BBS9: variants seen among roughly 807,000 people sequenced by gnomAD.
The protein encoded by BBS9 is protein PTHB1.
BBS9 carries 89 observed loss-of-function variants against 117.7 expected under a neutral mutation model. The ratio of observed to expected loss-of-function variants is 0.76; its 90% CI spans 0.64 to 0.90. The LOEUF (loss-of-function observed/expected upper bound fraction) is 0.90. BBS9 is among the 40% of genes least tolerant of loss of function. The pLI, the probability that BBS9 is intolerant of heterozygous loss-of-function variation, is 0.00. For synonymous variants in BBS9, 379 were observed against 370.9 expected, an observed-to-expected ratio of 1.02 and a Z score of -0.25; for missense variants, 982 against 1,042.2, an observed-to-expected ratio of 0.94 and a Z score of 0.80.
At chr7:33,439,990 G>T (rs1001305218) in intron 19 of BBS9, among the ~76,000 whole-genome samples, 2 of 152,220 alleles carry the variant, frequency 1.3e-5, no homozygotes, top group African/African-American at 4.8e-5. Flanking sequence ...GTCTAGAGCA[G>T]TACACTGTAT....
intron 21 of BBS9, among the ~76,000 whole-genome samples, chr7:33,573,585 T>C (rs1858211893): frequency 6.6e-6 from 1 of 152,138 alleles, no homozygotes; most frequent in Admixed American, 6.6e-5. Flanking sequence ...GTTTTGCTAC[T>C]GCAAAAAAAT....
At chr7:33,560,529 A>T (rs1855935656) in intron 21 of BBS9, among the ~76,000 whole-genome samples, 3 of 152,166 alleles carry the variant, frequency 2.0e-5, no homozygotes, top group African/African-American at 7.2e-5. Flanking sequence ...TGCTTTGAGA[A>T]TTGCTTTTAT....
chr7:33,474,503 A>G (rs138154661), intron 19 of BBS9, among the ~76,000 whole-genome samples: 108 of 152,166 alleles, frequency 7.1e-4, no homozygotes, highest in African/African-American at 2.5e-3. Flanking sequence ...CACTTTTCTT[A>G]TCTTTGGAAT....
chr7:33,206,388 T>G (rs913750898), intron 5 of BBS9, among the ~76,000 whole-genome samples: 1 of 152,212 alleles, frequency 6.6e-6, no homozygotes, highest in Non-Finnish European at 1.5e-5. Flanking sequence ...ACATAAAAAT[T>G]TACATTATTA....
intron 21 of BBS9, among the ~76,000 whole-genome samples, chr7:33,562,317 C>A (rs748462628): frequency 6.6e-6 from 1 of 152,078 alleles, no homozygotes; most frequent in Non-Finnish European, 1.5e-5. Context: ...TTGGGGGATT[C>A]CTTAAGGAGA....
At chr7:33,536,782 C>T (rs1851509842) in intron 21 of BBS9, among the ~76,000 whole-genome samples, 2 of 83,714 alleles carry the variant, frequency 2.4e-5, no homozygotes, top group South Asian at 7.0e-4. Context: ...CTTTTCTTTG[C>T]TATGAGAAAT....
chr7:33,229,005 G>T (rs1157572249), intron 5 of BBS9, among the ~76,000 whole-genome samples: 1 of 152,062 alleles, frequency 6.6e-6, no homozygotes, highest in Non-Finnish European at 1.5e-5. Context: ...TGAAAACAGA[G>T]AATTAAAATT....
chr7:33,468,630 T>C (rs1840518738), intron 19 of BBS9, among the ~76,000 whole-genome samples: 1 of 152,148 alleles, frequency 6.6e-6, no homozygotes, highest in Non-Finnish European at 1.5e-5. Flanking sequence ...TTATTTTTGT[T>C]CCCGTTAACC....
rs972866632 is a variant in BBS9 at position 33,572,766 on chromosome 7, T to C, written c.2522-32099T>C. 1.0e-3 allele frequency among the ~76,000 whole-genome samples: 157 copies of C among 152,198 alleles called. 1 individual carries two copies. Among genetic ancestry groups the C allele is most frequent in the African/African-American group, 3.7e-3 (153 of 41,562 alleles). ...TCTTTGGAGAAATGTCTGTTCAATC[T>C]TTTACCCATTTTTAATTGGATTTTC... On this transcript the variant is annotated intron_variant, in intron 21 of 22. Transcript: ENST00000242067.
chr7:33,249,356 A>G (rs987297036), intron 5 of BBS9, among the ~76,000 whole-genome samples: 2 of 152,052 alleles, frequency 1.3e-5, no homozygotes, highest in Admixed American at 6.6e-5. Context: ...CATTTAGTTG[A>G]TTACCAGTTT....
At chr7:33,348,293 G>A (rs1176178243) in intron 12 of BBS9, among the ~76,000 whole-genome samples, 1 of 152,004 alleles carries the variant, frequency 6.6e-6, no homozygotes, top group Non-Finnish European at 1.5e-5. Flanking sequence ...ATGTTTTCAA[G>A]GTTCACCCAT....
chr7:33,171,825 C>G (rs548609827), intron 4 of BBS9, among the ~76,000 whole-genome samples: 4 of 152,048 alleles, frequency 2.6e-5, no homozygotes, highest in Admixed American at 2.6e-4. Context: ...GAAAATATGA[C>G]ACAGGTACCC....
intron 20 of BBS9, among the ~76,000 whole-genome samples, chr7:33,527,265 T>G (rs1485333100): frequency 2.0e-5 from 3 of 152,240 alleles, no homozygotes; most frequent in African/African-American, 4.8e-5. Flanking sequence ...TTGAGTTGTG[T>G]TGGGCTCCCC....
Position 33,403,760 on chromosome 7 carries a change from G to T in BBS9, c.2115+15616G>T, listed in dbSNP as rs534356585. On this transcript the variant is annotated intron_variant, in intron 19 of 22. Transcript: ENST00000242067. ...TTCCAAGTCTTTGCTATTGTGACTA[G>T]TGCCGCAATAGACATACGTGTGCAT... Among the ~76,000 whole-genome samples, 3 of 152,098 alleles carry T rather than the reference G, an allele frequency of 2.0e-5. 1 individual carries two copies. The South Asian group carries it at 6.2e-4, about 32-fold the overall frequency.
chr7:33,305,392 G>A (rs1255887412), intron 9 of BBS9, among the ~76,000 whole-genome samples: 4 of 152,146 alleles, frequency 2.6e-5, no homozygotes, highest in Non-Finnish European at 4.4e-5. Context: ...ATGTACCTTT[G>A]TTGGTTTGGG....
intron 21 of BBS9, among the ~76,000 whole-genome samples, chr7:33,576,225 A>T (rs1466354702): frequency 6.6e-6 from 1 of 152,212 alleles, no homozygotes; most frequent in African/African-American, 2.4e-5. Flanking sequence ...ATACAAAATC[A>T]ATGTGCAGAA....
chr7:33,510,846 G>T (rs986841946), intron 20 of BBS9, among the ~76,000 whole-genome samples: 3 of 152,164 alleles, frequency 2.0e-5, no homozygotes, highest in Non-Finnish European at 2.9e-5. Context: ...CATCTTATCA[G>T]TTGAGTTGAC....
rs368770136 is a variant in BBS9, at chr7:33,519,551, G to A, written c.2298+13906G>A. ...TTTGGTGGACTCTTGTAAAAGTTTC[G>A]CCCAACCAAACTGGCACAGAGCATT... is the stretch of plus-strand genomic sequence containing the variant. On this transcript the variant is annotated intron_variant, in intron 20 of 22. Coordinates refer to ENST00000242067, the MANE Select transcript of BBS9 (RefSeq NM_198428.3). 4.0e-5 allele frequency among the ~76,000 whole-genome samples: 6 copies of A among 150,562 alleles called. No individual in the cohort carries two copies. In the South Asian group the frequency reaches 6.4e-4, roughly 16 times the overall value.
At chr7:33,411,779 T>C (rs1432370456) in intron 19 of BBS9, among the ~76,000 whole-genome samples, 2 of 152,122 alleles carry the variant, frequency 1.3e-5, no homozygotes, top group African/African-American at 4.8e-5. Flanking sequence ...AGAGATTCAA[T>C]TTAAAGGATT....
Sources: gnomAD v4.1 joint callset for allele counts (sites outside exome capture counted in the v4.1 genomes callset) on GRCh38, gnomAD v4.1.1 for gene constraint, MANE v1.5 for transcripts, NCBI Gene and HGNC (gene_info 2026-07-23, HGNC 2026-07-21) for gene names.